CELF4: variants seen among roughly 807,000 people sequenced by gnomAD.
CELF4 encodes CUG-BP- and ETR-3-like factor 4.
Under a neutral mutation model 59.9 loss-of-function variants are expected in CELF4, and 18 were observed. That is an observed-to-expected ratio of 0.30 (90% CI 0.21 to 0.45). CELF4 has a LOEUF of 0.45. CELF4 is among the 20% of genes least tolerant of loss of function. The pLI is 1.00. For missense variants in CELF4, 456 were observed against 689.0 expected (o/e 0.66, Z 3.79); for synonymous variants, 261 against 267.1 (o/e 0.98, Z 0.22).
intron 3 of CELF4, among the ~76,000 whole-genome samples, chr18:37,304,660 T>G (rs2096281637): frequency 6.6e-6 from 1 of 152,224 alleles, no homozygotes; most frequent in African/African-American, 2.4e-5. Flanking sequence ...GTCCCCCAGC[T>G]CAGCAGAGCT....
intron 2 of CELF4, among the ~76,000 whole-genome samples, chr18:37,370,570 C>T (rs563827739): frequency 1.3e-4 from 20 of 152,312 alleles, no homozygotes; most frequent in African/African-American, 3.8e-4. Flanking sequence ...TCTAACCCCA[C>T]GAGAGTGGCC....
intron 2 of CELF4, among the ~76,000 whole-genome samples, chr18:37,353,640 G>T (rs1266803941): frequency 6.7e-6 from 1 of 150,156 alleles, no homozygotes; most frequent in African/African-American, 2.5e-5. Context: ...TGTTAGGTGG[G>T]GCTGGGGGAA....
At chr18:37,258,666 G>A (rs2071914511) in intron 11 of CELF4, among the ~76,000 whole-genome samples, 2 of 152,078 alleles carry the variant, frequency 1.3e-5, no homozygotes, top group Admixed American at 1.3e-4. Context: ...GAGAGAGGAG[G>A]CGAAGGGGTG....
At chr18:37,398,644 C>A (rs1205845346) in intron 2 of CELF4, among the ~76,000 whole-genome samples, 1 of 152,138 alleles carries the variant, frequency 6.6e-6, no homozygotes, top group African/African-American at 2.4e-5. Flanking sequence ...CCAAGGAGGC[C>A]TGTTGGTGAA....
At chr18:37,557,448 G>T (rs1156588115) in intron 1 of CELF4, among the ~76,000 whole-genome samples, 1 of 152,192 alleles carries the variant, frequency 6.6e-6, no homozygotes, top group Non-Finnish European at 1.5e-5. Flanking sequence ...CTTTAACAAA[G>T]AGGAGGAAGC....
At chr18:37,365,701 G>C (rs1193744141) in intron 2 of CELF4, among the ~76,000 whole-genome samples, 1 of 152,014 alleles carries the variant, frequency 6.6e-6, no homozygotes, top group Admixed American at 6.6e-5. Context: ...GGTCAGACTG[G>C]TCTCGAACTC....
chr18:37,261,721 T>C (rs1362576154), intron 10 of CELF4, among the ~76,000 whole-genome samples: 3 of 152,240 alleles, frequency 2.0e-5, no homozygotes, highest in Admixed American at 6.5e-5. Context: ...CTTGCAGCCC[T>C]GGCAGAGCCG....
At chr18:37,475,238 C>T (rs1011499239) in intron 2 of CELF4, among the ~76,000 whole-genome samples, 6 of 152,252 alleles carry the variant, frequency 3.9e-5, no homozygotes, top group South Asian at 2.1e-4. Flanking sequence ...CTTCTGGGGG[C>T]GCTCCAACTA....
At position 37,382,943 on chromosome 18, in the gene CELF4, G is replaced by A. The variant is rs551576830; in HGVS notation, c.370-61062C>T. On this transcript the variant is annotated intron_variant, in intron 2 of 12. Coordinates refer to ENST00000420428, the MANE Select transcript of CELF4 (RefSeq NM_020180.4). ...ACTCCTGGGTGGCCTGGTCATTCCA[G>A]TTCCCATCGTTAGAGCTGATTTGCC... 1.8e-4 allele frequency among the ~76,000 whole-genome samples: 27 copies of A among 152,052 alleles called. No homozygotes were observed. The South Asian group carries it at 5.2e-3, about 29-fold the overall frequency.
At chr18:37,450,065 C>T (rs1421215739) in intron 2 of CELF4, among the ~76,000 whole-genome samples, 4 of 151,930 alleles carry the variant, frequency 2.6e-5, no homozygotes, top group African/African-American at 9.7e-5. Flanking sequence ...TATGGAGGGG[C>T]CAGGGTGGGG....
chr18:37,523,246 G>T (rs2099959634), intron 1 of CELF4, among the ~76,000 whole-genome samples: 1 of 152,160 alleles, frequency 6.6e-6, no homozygotes, highest in Non-Finnish European at 1.5e-5. Context: ...CGTTTGTTGG[G>T]CATTTCTTGC....
intron 2 of CELF4, among the ~76,000 whole-genome samples, chr18:37,327,949 G>A (rs1179584445): frequency 1.3e-5 from 2 of 152,220 alleles, no homozygotes; most frequent in Non-Finnish European, 2.9e-5. Context: ...CCTCCTACAG[G>A]GAGGCTTCCT....
At chr18:37,471,778 C>T (rs75579683) in intron 2 of CELF4, among the ~76,000 whole-genome samples, 1,567 of 152,332 alleles carry the variant, frequency 0.01, 20 homozygotes, top group African/African-American at 0.035. Flanking sequence ...CAGCACCTAG[C>T]GCGGGGCTAT....
rs561521735 is a variant in CELF4 at position 37,498,182 on chromosome 18, G to T, written c.287-12575C>A. On this transcript the variant is annotated intron_variant, in intron 1 of 12. Coordinates refer to ENST00000420428, the MANE Select transcript of CELF4 (RefSeq NM_020180.4). ...GAGTGGGTTTGGGGGCCCTGGAGTG[G>T]TTTAGAAGGGCTGGAGCCTGTAAGA... 7.1e-4 allele frequency among the ~76,000 whole-genome samples: 108 copies of T among 152,294 alleles called. 1 individual carries two copies. The highest frequency in any genetic ancestry group is 2.5e-3 in the African/African-American group (104 of 41,562).
In CELF4 at chr18:37,470,877, T is replaced by TACA. The variant is rs1569569549; in HGVS notation, c.369+14647_369+14648insTGT. 3.7e-3 allele frequency among the ~76,000 whole-genome samples: 359 copies of TACA among 96,830 alleles called. 2 individuals carry two copies. Among genetic ancestry groups the TACA allele is most frequent in the East Asian group, 0.018 (52 of 2,910 alleles). 63.5% of individuals were successfully genotyped at this position (96,830 alleles called of 152,430 possible). ...GTGTGTGTGTGTGTGTGTGTGTGTG[T>TACA]GTGTGTGTGTGACAGAGAGAGAGAG... On this transcript the variant is annotated intron_variant, in intron 2 of 12. Coordinates refer to ENST00000420428, the MANE Select transcript of CELF4 (RefSeq NM_020180.4).
At chr18:37,522,982 T>G (rs1400389472) in intron 1 of CELF4, among the ~76,000 whole-genome samples, 2 of 152,180 alleles carry the variant, frequency 1.3e-5, no homozygotes, top group African/African-American at 4.8e-5. Context: ...CGGGGCCATA[T>G]TCTTTGTCAT....
chr18:37,253,710 G>T lies in CELF4; in HGVS notation c.*44+57C>A. 2 of 1,339,058 alleles carry T rather than the reference G, an allele frequency of 1.5e-6. No homozygotes were observed. Among genetic ancestry groups the T allele is most frequent in the Non-Finnish European group, 2.0e-6 (2 of 1,004,122 alleles). The allele number at this position is 1,339,058 out of a possible 1,614,324, so 82.9% of individuals were successfully genotyped here. A position where few individuals can be genotyped will look rare whatever the true frequency, so the allele number is the denominator to read the frequency against. ...GCCCACGGAGGCCGGAGGAGGCGGC[G>T]GGTCCGTCTGGTTCCCTCCCAACCC... On this transcript the variant is annotated intron_variant, in intron 12 of 12. Coordinates refer to ENST00000420428, the MANE Select transcript of CELF4 (RefSeq NM_020180.4). The surrounding 1 kb of genome is among the most constrained non-coding windows in gnomAD (Gnocchi z 4.5).
intron 2 of CELF4, among the ~76,000 whole-genome samples, chr18:37,366,678 G>C (rs962474491): frequency 7.2e-5 from 11 of 152,330 alleles, no homozygotes; most frequent in African/African-American, 2.6e-4. Context: ...AGGAGGGTCA[G>C]GGAGGGAGGC....
chr18:37,340,597 G>C (rs1006234959), intron 2 of CELF4, among the ~76,000 whole-genome samples: 1 of 152,198 alleles, frequency 6.6e-6, no homozygotes, highest in Non-Finnish European at 1.5e-5. Flanking sequence ...AGTCCCACAG[G>C]CCTGAGGGTG....
Sources: allele counts gnomAD v4.1 joint callset (sites outside exome capture counted in the v4.1 genomes callset), GRCh38; gene constraint gnomAD v4.1.1; non-coding constraint Gnocchi (gnomAD v3.1); transcripts MANE v1.5; gene names NCBI Gene and HGNC (gene_info 2026-07-23, HGNC 2026-07-21).